The following HSD17B12 variants were observed in gnomAD, a reference collection of about 807,000 sequenced individuals.
HSD17B12 encodes hydroxysteroid 17-beta dehydrogenase 12.
In HSD17B12, 32 loss-of-function variants were observed where a neutral mutation model predicts 39.3. That is an observed-to-expected ratio of 0.81 (90% CI 0.61 to 1.09). The LOEUF is 1.09. Ranked by LOEUF, HSD17B12 falls within the 50% of genes least tolerant of loss-of-function variation. The pLI, the probability that HSD17B12 is intolerant of heterozygous loss-of-function variation, is 0.00. For missense variants in HSD17B12, 342 were observed against 382.9 expected, an observed-to-expected ratio of 0.89 and a Z score of 0.89; for synonymous variants, 150 against 146.7, an observed-to-expected ratio of 1.02 and a Z score of -0.16.
intron 1 of HSD17B12, among the ~76,000 whole-genome samples, chr11:43,743,047 G>A (rs1950383394): frequency 6.6e-6 from 1 of 152,026 alleles, no homozygotes; most frequent in Non-Finnish European, 1.5e-5. Flanking sequence ...TTGTATTCTC[G>A]ATAGTCATAC....
chr11:43,837,207 A>G (rs1358373325), intron 7 of HSD17B12, among the ~76,000 whole-genome samples: 1 of 152,162 alleles, frequency 6.6e-6, no homozygotes, highest in Non-Finnish European at 1.5e-5. Context: ...AATAACTTAA[A>G]TGCCATTTAA....
At chr11:43,731,289 G>A (rs1395797933) in intron 1 of HSD17B12, among the ~76,000 whole-genome samples, 3 of 152,156 alleles carry the variant, frequency 2.0e-5, no homozygotes, top group East Asian at 1.9e-4. Context: ...GAGCCACTGC[G>A]CCCAGCCTAA....
At chr11:43,722,613 G>A (rs1189608272) in intron 1 of HSD17B12, among the ~76,000 whole-genome samples, 1 of 152,088 alleles carries the variant, frequency 6.6e-6, no homozygotes, top group Non-Finnish European at 1.5e-5. Flanking sequence ...TTGGGAGGCC[G>A]AGATGGGTGG....
intron 1 of HSD17B12, chr11:43,681,501 A>G (rs1949743953): frequency 6.6e-6 from 1 of 152,490 alleles, no homozygotes; most frequent in African/African-American, 2.4e-5. Context: ...GCACTGCGGA[A>G]TCGTACCTCC....
intron 3 of HSD17B12, among the ~76,000 whole-genome samples, chr11:43,772,006 A>C (rs915467462): frequency 7.0e-6 from 1 of 142,752 alleles, no homozygotes; most frequent in Non-Finnish European, 1.5e-5. Flanking sequence ...AGTTTTTATA[A>C]GTTTTACAAG....
chr11:43,572,339 A>T, the HSD17B12 span, among the ~76,000 whole-genome samples: 1 of 152,200 alleles, frequency 6.6e-6, no homozygotes, highest in Non-Finnish European at 1.5e-5. Context: ...ATTCGCTAAC[A>T]GGCTTCTTAG....
chr11:43,560,726 T>G, the HSD17B12 span, among the ~76,000 whole-genome samples: 2 of 152,114 alleles, frequency 1.3e-5, no homozygotes, highest in East Asian at 1.9e-4. Flanking sequence ...AAAGACAAAA[T>G]TTTTAAGAAT....
At chr11:43,604,741 T>C in the HSD17B12 span, among the ~76,000 whole-genome samples, 1 of 152,228 alleles carries the variant, frequency 6.6e-6, no homozygotes. Flanking sequence ...CTTGCTGTTT[T>C]TGAATATAGT....
the HSD17B12 span, among the ~76,000 whole-genome samples, chr11:43,596,880 C>T: frequency 3.9e-5 from 6 of 152,206 alleles, no homozygotes; most frequent in African/African-American, 2.4e-5. Flanking sequence ...AGTGACTGCT[C>T]GTCTGAAGAA....
At chr11:43,698,016 C>T (rs1226414402) in intron 1 of HSD17B12, among the ~76,000 whole-genome samples, 2 of 152,062 alleles carry the variant, frequency 1.3e-5, no homozygotes, top group African/African-American at 4.8e-5. Context: ...GTTGGGAGAC[C>T]AGCAGGAGAC....
chr11:43,703,263 T>C (rs7935951), intron 1 of HSD17B12, among the ~76,000 whole-genome samples: 73,970 of 151,416 alleles, frequency 0.49, 18,494 homozygotes, highest in Non-Finnish European at 0.53. Flanking sequence ...GGCGGGATCT[T>C]GGCTCACTGC....
At chr11:43,560,922 G>T in the HSD17B12 span, among the ~76,000 whole-genome samples, 4 of 151,820 alleles carry the variant, frequency 2.6e-5, no homozygotes, top group Non-Finnish European at 5.9e-5. Context: ...TGAATCCGCA[G>T]CAAAAAAAAA....
chr11:43,839,708 T>C (rs1014586985), intron 8 of HSD17B12, among the ~76,000 whole-genome samples: 1 of 152,154 alleles, frequency 6.6e-6, no homozygotes, highest in African/African-American at 2.4e-5. Context: ...AAATATTTTT[T>C]CTTGGAAAGT....
At chr11:43,574,796 G>A in the HSD17B12 span, among the ~76,000 whole-genome samples, 2 of 152,184 alleles carry the variant, frequency 1.3e-5, no homozygotes, top group Non-Finnish European at 2.9e-5. Context: ...GAGGGAGAAA[G>A]GGTAAACGTC....
chr11:43,808,443 G>T (rs1436890692), intron 4 of HSD17B12, among the ~76,000 whole-genome samples: 1 of 152,108 alleles, frequency 6.6e-6, no homozygotes, highest in Non-Finnish European at 1.5e-5. Flanking sequence ...CTGTTTACTT[G>T]AAAACCACTC....
chr11:43,820,307 T>A (rs1590327174), intron 6 of HSD17B12, among the ~76,000 whole-genome samples: 1 of 152,212 alleles, frequency 6.6e-6, no homozygotes, highest in Admixed American at 6.5e-5. Flanking sequence ...AGGTATTTTA[T>A]GATGCATGTG....
chr11:43,654,017 TAA>T, the HSD17B12 span, among the ~76,000 whole-genome samples: 1 of 152,038 alleles, frequency 6.6e-6, no homozygotes, highest in Non-Finnish European at 1.5e-5. Context: ...ACCAACAGTG[TAA>T]AAGTGTTCCT....
intron 3 of HSD17B12, among the ~76,000 whole-genome samples, chr11:43,772,180 G>T (rs1231725107): frequency 1.3e-5 from 2 of 152,196 alleles, no homozygotes; most frequent in African/African-American, 4.8e-5. Flanking sequence ...CGTTAATAGT[G>T]AGGAGACATA....
Position 43,792,525 on chromosome 11 carries a change from A to T in HSD17B12, c.284-5795A>T, listed in dbSNP as rs184935798. On this transcript the variant is annotated intron_variant, in intron 3 of 10. Transcript: ENST00000278353. ...CATGACTAAAATATCCTCAACCTTC[A>T]TATATGTGCCCCTGAGCCAAGCTTA... Among the ~76,000 whole-genome samples, 843 of 152,198 alleles carry T rather than the reference A, an allele frequency of 5.5e-3. 6 individuals are homozygous for T. The highest frequency in any genetic ancestry group is 0.019 in the African/African-American group (804 of 41,524).
Sources: allele counts gnomAD v4.1 joint callset (sites outside exome capture counted in the v4.1 genomes callset), GRCh38; gene constraint gnomAD v4.1.1; transcripts MANE v1.5; gene names NCBI Gene and HGNC (gene_info 2026-07-23, HGNC 2026-07-21).